Variants in ARNT2 observed in about 807,000 individuals in gnomAD.
ARNT2 encodes the protein ARNT protein 2.
Under a neutral mutation model 91.7 loss-of-function variants are expected in ARNT2, and 36 were observed. The ratio of observed to expected loss-of-function variants is 0.39; its 90% CI spans 0.30 to 0.52. The LOEUF (loss-of-function observed/expected upper bound fraction) is 0.52. ARNT2 is among the 20% of genes least tolerant of loss of function. ARNT2 has a pLI of 0.72. For missense variants in ARNT2, 775 were observed against 939.3 expected, an observed-to-expected ratio of 0.83 and a Z score of 2.29; for synonymous variants, 365 against 347.1, an observed-to-expected ratio of 1.05 and a Z score of -0.57.
At chr15:80,458,903 T>A (rs530488507) in intron 3 of ARNT2, among the ~76,000 whole-genome samples, 1 of 152,300 alleles carries the variant, frequency 6.6e-6, no homozygotes, top group Admixed American at 6.5e-5. Flanking sequence ...GTATCCATGC[T>A]CCATAGTTTG....
intron 11 of ARNT2, chr15:80,556,146 T>C (rs1031588099): frequency 1.3e-5 from 2 of 152,050 alleles, no homozygotes; most frequent in Admixed American, 6.5e-5. Flanking sequence ...TAGCCGGGTG[T>C]GGGGGCGGGC....
At position 80,514,010 on chromosome 15, in the gene ARNT2, G is replaced by A. The variant is rs759078542; in HGVS notation, c.791+34G>A. On this transcript the variant is annotated intron_variant, in intron 7 of 18. Transcript: ENST00000303329. ...CTCTTCCGATGTATATTTTGGGACT[G>A]TTCTGGTAGATAGTCTAAACACCCT... 5.1e-6 allele frequency: 8 copies of A among 1,578,004 alleles called. No individual in the cohort carries two copies. The East Asian group carries it at 1.1e-4, about 22-fold the overall frequency.
chr15:80,478,277 A>G (rs1183111015), intron 5 of ARNT2, among the ~76,000 whole-genome samples: 1 of 152,192 alleles, frequency 6.6e-6, no homozygotes, highest in Admixed American at 6.5e-5. Flanking sequence ...CCAGCTGGGG[A>G]AGCTGCCAGG....
chr15:80,472,141 A>G (rs80170097), intron 4 of ARNT2, among the ~76,000 whole-genome samples: 2,840 of 152,150 alleles, frequency 0.019, 36 homozygotes, highest in Non-Finnish European at 0.027. Flanking sequence ...GAAATAATAC[A>G]GTTGTCAGGG....
In ARNT2 at chr15:80,519,719, T is replaced by C. The variant is rs552568053; in HGVS notation, c.877+5314T>C. On this transcript the variant is annotated intron_variant, in intron 8 of 18. Transcript: ENST00000303329. ...TTTTTTTTTTGAGATGGAGTCTTGC[T>C]CTGTCATCCAGGCTGGAGTGCAGTG... is the stretch of plus-strand genomic sequence containing the variant. Among the ~76,000 whole-genome samples, 4 of 146,552 alleles carry C rather than the reference T, an allele frequency of 2.7e-5. No individual in the cohort carries two copies. The East Asian group carries it at 8.1e-4, about 30-fold the overall frequency.
At chr15:80,434,830 C>T (rs527427903) in intron 1 of ARNT2, among the ~76,000 whole-genome samples, 3 of 151,970 alleles carry the variant, frequency 2.0e-5, no homozygotes, top group Admixed American at 6.5e-5. Flanking sequence ...GCCAGGAGCT[C>T]GGGTTAAGAT....
chr15:80,585,273 C>T (rs752354826), intron 17 of ARNT2, among the ~76,000 whole-genome samples: 12 of 152,220 alleles, frequency 7.9e-5, no homozygotes, highest in Non-Finnish European at 1.3e-4. Flanking sequence ...AGTCCCATTA[C>T]TTAAGCCCTG....
intron 1 of ARNT2, among the ~76,000 whole-genome samples, chr15:80,420,379 A>G (rs1895845690): frequency 6.6e-6 from 1 of 152,186 alleles, no homozygotes; most frequent in Non-Finnish European, 1.5e-5. Context: ...CACAAAGCCT[A>G]TTTTATAATG....
At chr15:80,541,031 G>A (rs796366199) in intron 8 of ARNT2, among the ~76,000 whole-genome samples, 7 of 152,254 alleles carry the variant, frequency 4.6e-5, no homozygotes, top group African/African-American at 1.7e-4. Flanking sequence ...TGGGTCAAAC[G>A]GTAGTTCTAA....
chr15:80,404,635 G>T lies in ARNT2; in HGVS notation c.31+89G>T. On this transcript the variant is annotated intron_variant, in intron 1 of 18. Coordinates refer to ENST00000303329, the MANE Select transcript of ARNT2 (RefSeq NM_014862.4). This position sits in a 1 kb window ranked among gnomAD's most constrained non-coding sequence, Gnocchi z 5.5. ...GACCAGGCGCGCCGGGCGCCCCCGGGGGCGCGGAGCCGCAGCTCGGCGCGG... is the reference window on the plus strand; with the variant it reads ...GACCAGGCGCGCCGGGCGCCCCCGGTGGCGCGGAGCCGCAGCTCGGCGCGG... 1 of 913,330 alleles carries T rather than the reference G, an allele frequency of 1.1e-6. No individual in the cohort carries two copies. 56.6% of individuals were successfully genotyped at this position (913,330 alleles called of 1,614,324 possible).
intron 5 of ARNT2, among the ~76,000 whole-genome samples, chr15:80,480,388 C>T (rs1032857547): frequency 3.9e-5 from 6 of 152,226 alleles, no homozygotes; most frequent in Non-Finnish European, 8.8e-5. Flanking sequence ...TTGTGCCTTC[C>T]GGTGGCCTTT....
At position 80,595,792 on chromosome 15, in the gene ARNT2, A is replaced by C. The variant is rs535569195; in HGVS notation, c.*2094A>C. 1.4e-4 allele frequency: 21 copies of C among 152,352 alleles called. No individual in the cohort carries two copies. In the East Asian group the frequency reaches 3.9e-3, roughly 28 times the overall value. The allele number at this position is 152,352 out of a possible 1,614,324, so 9.4% of individuals were successfully genotyped here. On this transcript the variant is annotated 3_prime_UTR_variant, in exon 19 of 19. Transcript: ENST00000303329. ...TGCACATCCTCCCAGGGCCAGCCCC[A>C]GAATGGGCCTTTCTCTGCCTGCCCT...
chr15:80,416,562 T>C (rs1895788105), intron 1 of ARNT2, among the ~76,000 whole-genome samples: 1 of 152,224 alleles, frequency 6.6e-6, no homozygotes, highest in Admixed American at 6.5e-5. Context: ...CCTAGGATTA[T>C]AAGTTACATT....
chr15:80,564,663 C>T (rs1440327614), intron 12 of ARNT2, among the ~76,000 whole-genome samples: 1 of 118,862 alleles, frequency 8.4e-6, no homozygotes, highest in Non-Finnish European at 2.0e-5. Flanking sequence ...GGTGATTTTT[C>T]ACCCCTTCCC....
At chr15:80,421,081 TAAC>T (rs956773631) in intron 1 of ARNT2, among the ~76,000 whole-genome samples, 8 of 151,970 alleles carry the variant, frequency 5.3e-5, no homozygotes, top group African/African-American at 1.9e-4. Flanking sequence ...CCATAAAAAA[TAAC>T]AAAATAATGC....
intron 1 of ARNT2, among the ~76,000 whole-genome samples, chr15:80,433,195 C>T (rs1896034131): frequency 1.4e-5 from 1 of 70,814 alleles, no homozygotes; most frequent in African/African-American, 3.6e-5. Context: ...CGGGTATGCC[C>T]ACATTTTTTT....
At chr15:80,428,799 T>C (rs1327175536) in intron 1 of ARNT2, among the ~76,000 whole-genome samples, 2 of 152,252 alleles carry the variant, frequency 1.3e-5, no homozygotes, top group Non-Finnish European at 2.9e-5. Flanking sequence ...TTCTGTCATC[T>C]GCTCATATCC....
chr15:80,541,341 T>A (rs1297251632), intron 8 of ARNT2, among the ~76,000 whole-genome samples: 1 of 152,158 alleles, frequency 6.6e-6, no homozygotes, highest in African/African-American at 2.4e-5. Context: ...GGTTATTTGG[T>A]TTTTACTTGT....
chr15:80,500,395 T>C (rs1324402234), intron 5 of ARNT2, among the ~76,000 whole-genome samples: 1 of 152,238 alleles, frequency 6.6e-6, no homozygotes, highest in Non-Finnish European at 1.5e-5. Context: ...TTTTCTTCCT[T>C]TGCCATCTCA....
Sources: allele counts gnomAD v4.1 joint callset (sites outside exome capture counted in the v4.1 genomes callset), GRCh38; gene constraint gnomAD v4.1.1; non-coding constraint Gnocchi (gnomAD v3.1); transcripts MANE v1.5; gene names NCBI Gene and HGNC (gene_info 2026-07-23, HGNC 2026-07-21).